Variants in GNA14 observed in about 807,000 individuals in gnomAD.
GNA14 encodes the protein G protein subunit alpha 14.
In GNA14, 50 loss-of-function variants were observed where a neutral mutation model predicts 42.0. That is an observed-to-expected ratio of 1.19 (90% CI 0.95 to 1.51). The LOEUF (loss-of-function observed/expected upper bound fraction) is 1.51, where lower values mean the gene tolerates loss of function less well. Ranked by LOEUF, GNA14 falls within the 40% of genes most tolerant of loss-of-function variation. The pLI is 0.00. For synonymous variants in GNA14, 173 were observed against 163.1 expected, an observed-to-expected ratio of 1.06 and a Z score of -0.46; for missense variants, 473 against 446.2, an observed-to-expected ratio of 1.06 and a Z score of -0.54.
intron 1 of GNA14, among the ~76,000 whole-genome samples, chr9:77,552,341 T>C (rs1837796884): frequency 6.6e-6 from 1 of 152,018 alleles, no homozygotes; most frequent in Non-Finnish European, 1.5e-5. Flanking sequence ...GAAAATAATC[T>C]GGAAATGAAA....
intron 2 of GNA14, among the ~76,000 whole-genome samples, chr9:77,451,713 G>A (rs909806262): frequency 6.6e-6 from 1 of 152,130 alleles, no homozygotes; most frequent in African/African-American, 2.4e-5. Flanking sequence ...AGCTTGGGTG[G>A]ACAAGCCAAC....
At chr9:77,440,295 C>A (rs531913312) in intron 2 of GNA14, among the ~76,000 whole-genome samples, 2 of 152,334 alleles carry the variant, frequency 1.3e-5, no homozygotes, top group East Asian at 3.9e-4. Flanking sequence ...ACGCAGGGAT[C>A]CGTGGCTGCC....
At chr9:77,645,388 T>C (rs1008668404) in intron 1 of GNA14, among the ~76,000 whole-genome samples, 1 of 152,352 alleles carries the variant, frequency 6.6e-6, no homozygotes, top group African/African-American at 2.4e-5. Flanking sequence ...TGAGAAGAAA[T>C]GGAGCTATGC....
At chr9:77,443,262 A>G (rs1308756714) in intron 2 of GNA14, among the ~76,000 whole-genome samples, 1 of 152,232 alleles carries the variant, frequency 6.6e-6, no homozygotes, top group East Asian at 1.9e-4. Flanking sequence ...GCACACCTAG[A>G]ATATTTATAA....
chr9:77,593,651 C>A (rs1220171948), intron 1 of GNA14, among the ~76,000 whole-genome samples: 2 of 152,172 alleles, frequency 1.3e-5, no homozygotes, highest in Non-Finnish European at 2.9e-5. Flanking sequence ...GGGGGCAGGG[C>A]AGCCAGCTGC....
At chr9:77,497,358 A>ACAGTCAGATATCCTGTTTC (rs1232360030) in intron 2 of GNA14, among the ~76,000 whole-genome samples, 1 of 152,168 alleles carries the variant, frequency 6.6e-6, no homozygotes, top group African/African-American at 2.4e-5. Flanking sequence ...CACTAGACCA[A>ACAGTCAGATATCCTGTTTC]CAGTCAGATA....
chr9:77,425,516 G>C (rs1389695740), intron 6 of GNA14, 46 bp downstream of exon 6: 6 of 1,474,760 alleles, frequency 4.1e-6, no homozygotes, highest in African/African-American at 1.4e-5. Flanking sequence ...CCCGGGAGGT[G>C]GACGAGATCA....
At chr9:77,580,385 G>A (rs746021562) in intron 1 of GNA14, 9 of 314,884 alleles carry the variant, frequency 2.9e-5, no homozygotes, top group Non-Finnish European at 4.7e-5. Context: ...AGCAATGACA[G>A]GGGAAAGCTG....
At chr9:77,458,406 G>A (rs1056209919) in intron 2 of GNA14, among the ~76,000 whole-genome samples, 3 of 152,162 alleles carry the variant, frequency 2.0e-5, no homozygotes, top group Non-Finnish European at 4.4e-5. Context: ...CTGGCCACGC[G>A]CGCCTGAACC....
At chr9:77,615,155 G>A (rs952971737) in intron 1 of GNA14, among the ~76,000 whole-genome samples, 8 of 152,174 alleles carry the variant, frequency 5.3e-5, no homozygotes, top group African/African-American at 1.9e-4. Flanking sequence ...CAGCAGCACT[G>A]TCATGGAGCT....
At chr9:77,565,343 A>G (rs1301136371) in intron 1 of GNA14, among the ~76,000 whole-genome samples, 3 of 152,244 alleles carry the variant, frequency 2.0e-5, no homozygotes, top group Non-Finnish European at 4.4e-5. Flanking sequence ...AAAATAATGT[A>G]AAATGCCTTA....
intron 1 of GNA14, among the ~76,000 whole-genome samples, chr9:77,639,886 G>A (rs1166646074): frequency 6.6e-6 from 1 of 152,186 alleles, no homozygotes; most frequent in East Asian, 1.9e-4. Context: ...ATGAATGTGA[G>A]GGCTCTTGCA....
rs776087157 is a variant in GNA14 at position 77,431,437 on chromosome 9, G to T, written c.477C>A (p.Asp159Glu). The T allele has an allele frequency of 1.8e-5, 29 of 1,613,184 alleles. No individual in the cohort carries two copies. The highest frequency in any genetic ancestry group is 2.2e-5 in the Non-Finnish European group (26 of 1,179,460). ...ATGATGGTGTGGCGATGCGGTCAAT[G>T]TCAGTCAGGTAACTGTATATTAGAG... Reference protein sequence around the residue: ...LSDSAKYYLTDIDRIATPSFV... With the variant: ...LSDSAKYYLTEIDRIATPSFV... Residue 159 changes from aspartate (D) to glutamate (E), a missense_variant, in exon 4 of 7, where the codon GAC (aspartate) becomes GAA (glutamate). Physicochemically the swap from Asp to Glu is conservative, Grantham distance 45. Coordinates refer to ENST00000341700, the MANE Select transcript of GNA14 (RefSeq NM_004297.4).
At chr9:77,449,961 T>C (rs1391323765) in intron 2 of GNA14, among the ~76,000 whole-genome samples, 1 of 152,056 alleles carries the variant, frequency 6.6e-6, no homozygotes, top group African/African-American at 2.4e-5. Flanking sequence ...GACAAGAACC[T>C]TAGAAACAAA....
chr9:77,470,987 T>G (rs1173757555), intron 2 of GNA14, among the ~76,000 whole-genome samples: 5 of 152,030 alleles, frequency 3.3e-5, no homozygotes, highest in Non-Finnish European at 7.4e-5. Flanking sequence ...ACATTGGGAG[T>G]TACAATTCAA....
At chr9:77,535,388 C>A (rs1554696102) in intron 1 of GNA14, among the ~76,000 whole-genome samples, 1 of 148,056 alleles carries the variant, frequency 6.8e-6, no homozygotes, top group Non-Finnish European at 1.5e-5. Context: ...ACTAAAAATA[C>A]AAAAAATTAG....
At chr9:77,638,013 G>A (rs958375393) in intron 1 of GNA14, among the ~76,000 whole-genome samples, 4 of 144,786 alleles carry the variant, frequency 2.8e-5, no homozygotes, top group East Asian at 2.1e-4. Context: ...AGTAATTAAC[G>A]ACTCTCTCTC....
chr9:77,454,506 T>C (rs1160144057), intron 2 of GNA14, among the ~76,000 whole-genome samples: 2 of 152,128 alleles, frequency 1.3e-5, no homozygotes, highest in Non-Finnish European at 2.9e-5. Flanking sequence ...AGGGGAGTTA[T>C]CTGATAATAG....
At chr9:77,481,117 T>C (rs1221847239) in intron 2 of GNA14, among the ~76,000 whole-genome samples, 2 of 152,012 alleles carry the variant, frequency 1.3e-5, no homozygotes, top group Admixed American at 1.3e-4. Flanking sequence ...TTCTTGCTTT[T>C]CTAGTTCTTT....
Sources: allele counts gnomAD v4.1 joint callset (sites outside exome capture counted in the v4.1 genomes callset), GRCh38; gene constraint gnomAD v4.1.1; transcripts MANE v1.5; gene names NCBI Gene and HGNC (gene_info 2026-07-23, HGNC 2026-07-21).